Variants in BROX observed in about 807,000 individuals in gnomAD.
The protein encoded by BROX is BRO1 domain and CAAX motif containing.
In BROX, 53 loss-of-function variants were observed where a neutral mutation model predicts 61.0. The ratio of observed to expected loss-of-function variants is 0.87; its 90% CI spans 0.70 to 1.09. BROX has a LOEUF of 1.09. Among genes scored for constraint, BROX ranks in the 50% least tolerant of loss-of-function variants. BROX has a pLI of 0.00. For missense variants in BROX, 489 were observed against 472.0 expected, an observed-to-expected ratio of 1.04 and a Z score of -0.33; for synonymous variants, 152 against 160.2, an observed-to-expected ratio of 0.95 and a Z score of 0.38.
At position 222,733,790 on chromosome 1, in the gene BROX, TA is replaced by T; in HGVS notation, c.*1078del. The T allele has an allele frequency of 6.6e-6, 1 of 152,316 alleles. No homozygotes were observed. The highest frequency in any genetic ancestry group is 1.9e-4 in the East Asian group (1 of 5,188). The allele number at this position is 152,316 out of a possible 1,614,324, so 9.4% of individuals were successfully genotyped here. A position where few individuals can be genotyped will look rare whatever the true frequency, so the allele number is the denominator to read the frequency against. On this transcript the variant is annotated 3_prime_UTR_variant, in exon 13 of 13. Coordinates refer to ENST00000340934, the MANE Select transcript of BROX (RefSeq NM_144695.4). ...GAGGAAAGAACTTTGTAATAGCTCT[TA>T]ATGTTTATATATAAGAGAAGACAGA...
intron 12 of BROX, 59 bp from the exon 13 acceptor site, chr1:222,732,569 T>G: frequency 1.7e-6 from 2 of 1,202,326 alleles, no homozygotes; most frequent in Non-Finnish European, 1.2e-6. Context: ...GGAAAAGATT[T>G]AGTGTTTGTT....
Position 222,712,592 on chromosome 1 carries a change from C to A in BROX, c.-367C>A. Reference sequence around the variant, plus strand: ...GCGCCGAGGGCCGCCATCGCTATTGCGGCATTCTCCCTCGGCTCCGGAGGT... The same window carrying A: ...GCGCCGAGGGCCGCCATCGCTATTGAGGCATTCTCCCTCGGCTCCGGAGGT... On this transcript the variant is annotated 5_prime_UTR_variant, in exon 1 of 13. Transcript: ENST00000340934. 3.7e-6 allele frequency: 5 copies of A among 1,360,304 alleles called. 1 individual carries two copies. In the South Asian group the frequency reaches 5.8e-5, roughly 16 times the overall value. The allele number at this position is 1,360,304 out of a possible 1,614,324, so 84.3% of individuals were successfully genotyped here. A position where few individuals can be genotyped will look rare whatever the true frequency, so the allele number is the denominator to read the frequency against.
Position 222,734,825 on chromosome 1 carries a change from T to TA in BROX, c.*2112dup. The TA allele has an allele frequency of 6.6e-6, 1 of 152,226 alleles. No individual in the cohort carries two copies. Among genetic ancestry groups the TA allele is most frequent in the Non-Finnish European group, 1.5e-5 (1 of 68,042 alleles). 9.4% of individuals were successfully genotyped at this position (152,226 alleles called of 1,614,324 possible). A position where few individuals can be genotyped will look rare whatever the true frequency, so the allele number is the denominator to read the frequency against. ...TTCACATTGACATTTTTGGGGATGATACTACCATATACGAAATGGAAAATG... is the reference window on the plus strand; with the variant it reads ...TTCACATTGACATTTTTGGGGATGATAACTACCATATACGAAATGGAAAATG... On this transcript the variant is annotated 3_prime_UTR_variant, in exon 13 of 13. Coordinates refer to ENST00000340934, the MANE Select transcript of BROX (RefSeq NM_144695.4).
chr1:222,716,830 G>A (rs747904584), intron 2 of BROX, among the ~76,000 whole-genome samples: 54 of 152,256 alleles, frequency 3.5e-4, no homozygotes, highest in Non-Finnish European at 6.0e-4. Context: ...AAACCTTTGT[G>A]CTAGTGATAG....
At position 222,727,238 on chromosome 1, in the gene BROX, C is replaced by G; in HGVS notation, c.651C>G (p.Ala217=). The part of the protein sequence containing the change: ...GLIAALAYET[A]NFYQKADHTL... Reference sequence around the variant, plus strand: ...TTGCTGCACTGGCGTATGAAACAGCCAATTTCTATCAAAAAGCTGGTAAGC... The same window carrying G: ...TTGCTGCACTGGCGTATGAAACAGCGAATTTCTATCAAAAAGCTGGTAAGC... Residue 217 remains alanine, a synonymous_variant, in exon 8 of 13, where the codon GCC becomes GCG. Transcript: ENST00000340934. 6.2e-7 allele frequency: 1 copy of G among 1,611,380 alleles called. No homozygotes were observed.
chr1:222,730,211 A>G (rs1193119019), intron 11 of BROX, 34 bp downstream of exon 11: 5 of 1,314,228 alleles, frequency 3.8e-6, no homozygotes, highest in Non-Finnish European at 5.1e-6. Flanking sequence ...TAGTAATAAT[A>G]TTATGTTGAT....
intron 7 of BROX, among the ~76,000 whole-genome samples, chr1:222,725,954 T>C (rs1449700369): frequency 3.3e-5 from 5 of 152,210 alleles, no homozygotes; most frequent in Non-Finnish European, 1.5e-5. Flanking sequence ...TTAGCCAGAA[T>C]CAGGCTTTAG....
chr1:222,730,086 AC>A lies in BROX; in HGVS notation c.899del (p.Thr300LysfsTer17). 6.2e-7 allele frequency: 1 copy of A among 1,613,612 alleles called. No homozygotes were observed. Among genetic ancestry groups the A allele is most frequent in the Non-Finnish European group, 8.5e-7 (1 of 1,179,714 alleles). ...TGGAGAAACCAAAGGACCTGGACCA[AC>A]AGTCAAACCTTCAGGACATCTGTTC... The part of the protein sequence containing the change: ...EYGETKGPGP[T>X]VKPSGHLFFR... On this transcript the variant is annotated frameshift_variant, in exon 11 of 13. Coordinates refer to ENST00000340934, the MANE Select transcript of BROX (RefSeq NM_144695.4). LOFTEE classifies it high-confidence loss of function.
chr1:222,714,057 A>G (rs968873712), intron 1 of BROX: 3 of 152,154 alleles, frequency 2.0e-5, no homozygotes, highest in Non-Finnish European at 4.4e-5. Context: ...GATTGTCAGA[A>G]TTTTTTAGTG....
In BROX at chr1:222,712,797, T is replaced by A; in HGVS notation, c.-162T>A. 1.6e-6 allele frequency: 2 copies of A among 1,289,176 alleles called. No homozygotes were observed. Among genetic ancestry groups the A allele is most frequent in the Non-Finnish European group, 2.0e-6 (2 of 988,744 alleles). The allele number at this position is 1,289,176 out of a possible 1,614,324, so 79.9% of individuals were successfully genotyped here. A position where few individuals can be genotyped will look rare whatever the true frequency, so the allele number is the denominator to read the frequency against. On this transcript the variant is annotated 5_prime_UTR_variant, in exon 1 of 13. Transcript: ENST00000340934. ...TAGCTATCATGGCCGCCGGGTCACG[T>A]GACTCCGGCTTGGCGCCGTCCTGGT...
At chr1:222,726,518 ACCAGCCTGACCAACATGGAGAAACC>A (rs1657512307) in intron 7 of BROX, among the ~76,000 whole-genome samples, 1 of 152,146 alleles carries the variant, frequency 6.6e-6, no homozygotes. Flanking sequence ...GGAGTTCGAG[ACCAGCCTGACCAACATGGAGAAACC>A]CCATCTCCAC....
chr1:222,719,475 C>A lies in BROX; in HGVS notation c.305+116C>A. ...AAAATACAGGTCTGCTCAGCGTTTTCTCTTACCAGGAAATTAATTAAAAGC... is the reference window on the plus strand; with the variant it reads ...AAAATACAGGTCTGCTCAGCGTTTTATCTTACCAGGAAATTAATTAAAAGC... On this transcript the variant is annotated intron_variant, in intron 4 of 12. Coordinates refer to ENST00000340934, the MANE Select transcript of BROX (RefSeq NM_144695.4). 8.8e-6 allele frequency: 6 copies of A among 684,986 alleles called. No homozygotes were observed. The South Asian group carries it at 1.0e-4, about 12-fold the overall frequency. The allele number at this position is 684,986 out of a possible 1,614,324, so 42.4% of individuals were successfully genotyped here. A position where few individuals can be genotyped will look rare whatever the true frequency, so the allele number is the denominator to read the frequency against.
At chr1:222,725,583 A>G (rs1276032352) in intron 7 of BROX, 28 bp downstream of exon 7, 1 of 1,521,452 alleles carries the variant, frequency 6.6e-7, no homozygotes. Flanking sequence ...AGATTTTTTT[A>G]AATGAAAGTC....
rs976306186 is a variant in BROX at position 222,733,868 on chromosome 1, TA to T, written c.*1157del. 26 of 152,350 alleles carry T rather than the reference TA, an allele frequency of 1.7e-4. No homozygotes were observed. Among genetic ancestry groups the T allele is most frequent in the African/African-American group, 5.3e-4 (22 of 41,580 alleles). 9.4% of individuals were successfully genotyped at this position (152,350 alleles called of 1,614,324 possible). A position where few individuals can be genotyped will look rare whatever the true frequency, so the allele number is the denominator to read the frequency against. On this transcript the variant is annotated 3_prime_UTR_variant, in exon 13 of 13. Coordinates refer to ENST00000340934, the MANE Select transcript of BROX (RefSeq NM_144695.4). ...ATTGCATGATGTAAAGAAAAAACTTTAAACTTAAATGAGTAGGTTGTCCTGA... is the reference window on the plus strand; with the variant it reads ...ATTGCATGATGTAAAGAAAAAACTTTAACTTAAATGAGTAGGTTGTCCTGA...
intron 7 of BROX, among the ~76,000 whole-genome samples, chr1:222,726,161 T>C (rs970236933): frequency 2.0e-5 from 3 of 152,244 alleles, no homozygotes; most frequent in African/African-American, 7.2e-5. Context: ...CTTTCACTCG[T>C]TGGCTTACCT....
chr1:222,729,274 G>A (rs969411037), intron 9 of BROX, among the ~76,000 whole-genome samples: 2 of 152,122 alleles, frequency 1.3e-5, no homozygotes, highest in Non-Finnish European at 2.9e-5. Flanking sequence ...TCATATGAGA[G>A]ATCATCAGAA....
intron 1 of BROX, among the ~76,000 whole-genome samples, chr1:222,714,527 A>AT (rs529545113): frequency 5.0e-5 from 7 of 140,186 alleles, no homozygotes; most frequent in Non-Finnish European, 4.6e-5. Context: ...ATGGAACTTA[A>AT]TTTTTTTTTT....
chr1:222,713,275 T>C (rs1398310961), intron 1 of BROX: 31 of 985,878 alleles, frequency 3.1e-5, no homozygotes, highest in Non-Finnish European at 3.6e-5. Flanking sequence ...TCCACAAAAA[T>C]GCCTGTTTGG....
rs759888704 is a variant in BROX, at chr1:222,731,337, A to G, written c.990-20A>G. 2 of 1,550,710 alleles carry G rather than the reference A, an allele frequency of 1.3e-6. No homozygotes were observed. Among genetic ancestry groups the G allele is most frequent in the South Asian group, 2.5e-5 (2 of 81,436 alleles). On this transcript the variant is annotated intron_variant, in intron 11 of 12. Transcript: ENST00000340934. ...ATAACGAACAAATGAATGAATTGCT[A>G]TTTAAATTATTTTTTGCAGTTACTT...
Sources: allele counts gnomAD v4.1 joint callset (sites outside exome capture counted in the v4.1 genomes callset), GRCh38; gene constraint gnomAD v4.1.1; transcripts MANE v1.5; gene names NCBI Gene and HGNC (gene_info 2026-07-23, HGNC 2026-07-21).